SLCO1B1: variants seen among roughly 807,000 people sequenced by gnomAD.
SLCO1B1 encodes the protein OATP-2.
Under a neutral mutation model 70.1 loss-of-function variants are expected in SLCO1B1, and 81 were observed. The observed-to-expected ratio is 1.16, with a 90% confidence interval of 0.97 to 1.39. The LOEUF is 1.39. SLCO1B1 is among the 40% of genes most tolerant of loss of function. SLCO1B1 has a pLI of 0.00. For missense variants in SLCO1B1, 895 were observed against 799.6 expected (o/e 1.12, Z -1.44); for synonymous variants, 283 against 271.5 (o/e 1.04, Z -0.42).
intron 7 of SLCO1B1, among the ~76,000 whole-genome samples, chr12:21,184,000 G>A (rs555154099): frequency 6.6e-6 from 1 of 151,542 alleles, no homozygotes; most frequent in South Asian, 2.1e-4. Context: ...GAATCTCAGA[G>A]CTTAAAAACC....
chr12:21,139,654 A>G (rs1940279644), intron 1 of SLCO1B1, among the ~76,000 whole-genome samples: 1 of 152,166 alleles, frequency 6.6e-6, no homozygotes, highest in South Asian at 2.1e-4. Flanking sequence ...ATTCACTAAA[A>G]TTCCTTTGTA....
chr12:21,202,122 C>T (rs1248743566), intron 9 of SLCO1B1, among the ~76,000 whole-genome samples: 3 of 152,060 alleles, frequency 2.0e-5, no homozygotes, highest in Non-Finnish European at 4.4e-5. Context: ...GAAAACCAAA[C>T]ACTGCATGTT....
At chr12:21,180,880 T>C (rs916220719) in intron 7 of SLCO1B1, among the ~76,000 whole-genome samples, 1 of 152,338 alleles carries the variant, frequency 6.6e-6, no homozygotes, top group Middle Eastern at 3.4e-3. Flanking sequence ...TATTTGAGAA[T>C]TCATCACCAT....
At chr12:21,169,800 T>A (rs1161199569) in intron 2 of SLCO1B1, among the ~76,000 whole-genome samples, 3 of 152,180 alleles carry the variant, frequency 2.0e-5, no homozygotes, top group Non-Finnish European at 4.4e-5. Flanking sequence ...TACTTTGTAT[T>A]ATTTTGTTGT....
rs779020824 is a variant in SLCO1B1, at chr12:21,239,202, A to T, written c.*13A>T. 2 of 1,569,488 alleles carry T rather than the reference A, an allele frequency of 1.3e-6. No individual in the cohort carries two copies. Among genetic ancestry groups the T allele is most frequent in the Admixed American group, 3.3e-5 (2 of 59,966 alleles). On this transcript the variant is annotated 3_prime_UTR_variant, in exon 15 of 15. Transcript: ENST00000256958. ...AACACATTGTTAAGGGGAGAAAAAA[A>T]GCCACTTCTGCTTCTGTGTTTCCAA... is the stretch of plus-strand genomic sequence containing the variant.
At chr12:21,222,192 T>G in intron 12 of SLCO1B1, 108 bp from the exon 13 acceptor site, 13 of 400,674 alleles carry the variant, frequency 3.2e-5, no homozygotes, top group Non-Finnish European at 6.0e-5. Flanking sequence ...CATTCAACTG[T>G]GAGCTTAATT....
At chr12:21,172,045 T>C (rs1034353060) in intron 2 of SLCO1B1, among the ~76,000 whole-genome samples, 1 of 152,150 alleles carries the variant, frequency 6.6e-6, no homozygotes, top group African/African-American at 2.4e-5. Flanking sequence ...AGGGTAAATA[T>C]TAATAGTAGA....
At chr12:21,194,282 G>T (rs1476408266) in intron 7 of SLCO1B1, among the ~76,000 whole-genome samples, 1 of 152,132 alleles carries the variant, frequency 6.6e-6, no homozygotes, top group African/African-American at 2.4e-5. Context: ...CTCCCAAAGT[G>T]CTGGGATGAC....
intron 1 of SLCO1B1, among the ~76,000 whole-genome samples, chr12:21,137,225 G>A (rs1940237021): frequency 6.6e-6 from 1 of 152,136 alleles, no homozygotes; most frequent in South Asian, 2.1e-4. Context: ...ACCGTGTGAG[G>A]TGTCAGTCCG....
chr12:21,157,492 A>G (rs138682840), intron 2 of SLCO1B1, among the ~76,000 whole-genome samples: 3 of 152,310 alleles, frequency 2.0e-5, no homozygotes, highest in African/African-American at 7.2e-5. Context: ...TAATAATAAA[A>G]TGATATACAC....
At chr12:21,182,040 A>T (rs1010840112) in intron 7 of SLCO1B1, among the ~76,000 whole-genome samples, 7 of 152,188 alleles carry the variant, frequency 4.6e-5, no homozygotes, top group African/African-American at 1.7e-4. Flanking sequence ...AGGAAGCCCA[A>T]AATATTGAAT....
In SLCO1B1 at chr12:21,239,195, GA is replaced by G; in HGVS notation, c.*13del. 3.1e-6 allele frequency: 5 copies of G among 1,594,192 alleles called. No individual in the cohort carries two copies. Among genetic ancestry groups the G allele is most frequent in the East Asian group, 2.2e-5 (1 of 44,660 alleles). On this transcript the variant is annotated 3_prime_UTR_variant, in exon 15 of 15. Coordinates refer to ENST00000256958, the MANE Select transcript of SLCO1B1 (RefSeq NM_006446.5). ...ATAGTGAAACACATTGTTAAGGGGA[GA>G]AAAAAAGCCACTTCTGCTTCTGTGT... is the stretch of plus-strand genomic sequence containing the variant.
intron 14 of SLCO1B1, among the ~76,000 whole-genome samples, chr12:21,235,246 A>G (rs1941585051): frequency 1.3e-5 from 2 of 151,712 alleles, no homozygotes; most frequent in Admixed American, 6.6e-5. Context: ...GTGTGTATAT[A>G]TTTAGATTAG....
At chr12:21,190,472 T>A (rs947098245) in intron 7 of SLCO1B1, among the ~76,000 whole-genome samples, 8 of 152,306 alleles carry the variant, frequency 5.3e-5, no homozygotes, top group African/African-American at 1.9e-4. Context: ...TCAACTCCAC[T>A]GTTCTCCCAA....
chr12:21,177,390 CTT>C (rs552198440), intron 5 of SLCO1B1, among the ~76,000 whole-genome samples: 155 of 152,208 alleles, frequency 1.0e-3, no homozygotes, highest in Non-Finnish European at 1.1e-3. Flanking sequence ...AATAATATAA[CTT>C]TGCTTTCATT....
intron 7 of SLCO1B1, among the ~76,000 whole-genome samples, chr12:21,192,144 T>G (rs1259110673): frequency 6.6e-6 from 1 of 152,034 alleles, no homozygotes; most frequent in African/African-American, 2.4e-5. Context: ...TTTGAAGATG[T>G]TCTCTTCTCT....
chr12:21,197,303 C>A, intron 8 of SLCO1B1, 115 bp downstream of exon 8: 1 of 1,089,544 alleles, frequency 9.2e-7, no homozygotes, highest in Non-Finnish European at 1.3e-6. Context: ...CTTTCTTTTG[C>A]ACTAAATTTA....
chr12:21,143,642 A>C (rs1332268138), intron 2 of SLCO1B1, among the ~76,000 whole-genome samples: 1 of 152,022 alleles, frequency 6.6e-6, no homozygotes, highest in African/African-American at 2.4e-5. Context: ...CAAAGTTGGT[A>C]ATTGGTACAC....
rs1372180557 is a variant in SLCO1B1, at chr12:21,202,629, A to G, written c.1274A>G (p.Tyr425Cys). 6.2e-7 allele frequency: 1 copy of G among 1,612,864 alleles called. No homozygotes were observed. Among genetic ancestry groups the G allele is most frequent in the Admixed American group, 1.7e-5 (1 of 59,822 alleles). ...AVMSLSFYLL[Y>C]FFILCENKSV... ...ATGTCATTGTCCTTTTACCTATTAT[A>G]TTTTTTCATACTCTGTGAAAACAAA... Residue 425 changes from tyrosine to cysteine, a missense_variant, in exon 10 of 15, where the codon TAT (tyrosine) becomes TGT (cysteine). Tyr to Cys is a radical substitution (Grantham distance 194). Coordinates refer to ENST00000256958, the MANE Select transcript of SLCO1B1 (RefSeq NM_006446.5).
Sources: gnomAD v4.1 joint callset for allele counts (sites outside exome capture counted in the v4.1 genomes callset) on GRCh38, gnomAD v4.1.1 for gene constraint, MANE v1.5 for transcripts, NCBI Gene and HGNC (gene_info 2026-07-23, HGNC 2026-07-21) for gene names.